SLC35D4: variants seen among roughly 807,000 people sequenced by gnomAD.
SLC35D4 encodes UDP-N-acetylglucosamine transporter SLC35D4.
chr18:23,285,442 T>C, the SLC35D4 span, among the ~76,000 whole-genome samples: 4 of 152,058 alleles, frequency 2.6e-5, no homozygotes, highest in Admixed American at 2.6e-4. Context: ...AACTGGACAG[T>C]AGTTCCAAAT....
At chr18:23,377,992 A>T in the SLC35D4 span, among the ~76,000 whole-genome samples, 2 of 151,870 alleles carry the variant, frequency 1.3e-5, no homozygotes, top group Admixed American at 1.3e-4. Context: ...AATAGATGTA[A>T]CCTGTATTTT....
chr18:23,317,894 C>T, the SLC35D4 span, among the ~76,000 whole-genome samples: 1 of 152,116 alleles, frequency 6.6e-6, no homozygotes, highest in Non-Finnish European at 1.5e-5. Flanking sequence ...CATGCACCAC[C>T]ACACCCAGGT....
the SLC35D4 span, among the ~76,000 whole-genome samples, chr18:23,310,068 G>A: frequency 2.6e-5 from 4 of 152,320 alleles, no homozygotes; most frequent in African/African-American, 7.2e-5. Flanking sequence ...CAGGGAAGGG[G>A]TATATTAAGA....
chr18:23,291,703 G>C, the SLC35D4 span, among the ~76,000 whole-genome samples: 4 of 152,210 alleles, frequency 2.6e-5, no homozygotes, highest in East Asian at 1.9e-4. Context: ...ACACTGCAAG[G>C]CTGCTTTGAC....
chr18:23,241,760 C>T, the SLC35D4 span, among the ~76,000 whole-genome samples: 3 of 152,094 alleles, frequency 2.0e-5, no homozygotes, highest in East Asian at 1.9e-4. Flanking sequence ...TATCTTTGTG[C>T]GTGTGTGTCC....
the SLC35D4 span, among the ~76,000 whole-genome samples, chr18:23,353,520 T>C: frequency 6.6e-6 from 1 of 152,200 alleles, no homozygotes; most frequent in Non-Finnish European, 1.5e-5. Flanking sequence ...GTCACAGAAA[T>C]GTGTACCTTC....
the SLC35D4 span, among the ~76,000 whole-genome samples, chr18:23,264,614 G>T: frequency 1.3e-5 from 2 of 152,062 alleles, no homozygotes; most frequent in South Asian, 4.2e-4. Flanking sequence ...GTCTGCCTCG[G>T]CCTCCCAAAG....
At chr18:23,306,453 T>A in the SLC35D4 span, among the ~76,000 whole-genome samples, 1 of 152,060 alleles carries the variant, frequency 6.6e-6, no homozygotes, top group Admixed American at 6.6e-5. Flanking sequence ...ATTACAGGCA[T>A]GCGCCATCAC....
At chr18:23,345,083 G>C in the SLC35D4 span, among the ~76,000 whole-genome samples, 1 of 152,040 alleles carries the variant, frequency 6.6e-6, no homozygotes, top group African/African-American at 2.4e-5. Context: ...ATTACATTCA[G>C]GTCTGTGATC....
At chr18:23,421,969 G>T in the SLC35D4 span, among the ~76,000 whole-genome samples, 37 of 151,878 alleles carry the variant, frequency 2.4e-4, no homozygotes, top group Non-Finnish European at 4.7e-4. Flanking sequence ...GAGCCACCAT[G>T]CCTGGCCTCT....
chr18:23,362,407 T>TG, the SLC35D4 span, among the ~76,000 whole-genome samples: 3 of 152,108 alleles, frequency 2.0e-5, no homozygotes, highest in African/African-American at 7.2e-5. Flanking sequence ...GAGACCAGCC[T>TG]GGCCAGTATC....
chr18:23,390,489 T>A, the SLC35D4 span, among the ~76,000 whole-genome samples: 1 of 152,240 alleles, frequency 6.6e-6, no homozygotes, highest in Non-Finnish European at 1.5e-5. Flanking sequence ...ATTCCTAGAA[T>A]CCATTAGCTG....
the SLC35D4 span, among the ~76,000 whole-genome samples, chr18:23,243,290 C>A: frequency 7.6e-3 from 1,153 of 151,930 alleles, 10 homozygotes; most frequent in African/African-American, 0.026. Flanking sequence ...ACAGTAGCTC[C>A]GCACTTCCCT....
At chr18:23,276,187 AC>A in the SLC35D4 span, among the ~76,000 whole-genome samples, 1 of 151,636 alleles carries the variant, frequency 6.6e-6, no homozygotes. Flanking sequence ...TCCCGGGTTC[AC>A]GCCATTCTCC....
At chr18:23,336,821 C>T in the SLC35D4 span, among the ~76,000 whole-genome samples, 5 of 152,116 alleles carry the variant, frequency 3.3e-5, no homozygotes, top group African/African-American at 4.8e-5. Context: ...ACAGGCTCCC[C>T]ACCCAAGAGA....
At chr18:23,425,659 A>G in the SLC35D4 span, among the ~76,000 whole-genome samples, 10 of 152,336 alleles carry the variant, frequency 6.6e-5, no homozygotes, top group East Asian at 1.9e-3. Context: ...CCTGGGAAAG[A>G]GCAAAACTCA....
chr18:23,309,775 A>G, the SLC35D4 span: 1 of 1,602,356 alleles, frequency 6.2e-7, no homozygotes, highest in Non-Finnish European at 8.6e-7. Flanking sequence ...CAAGGTCATC[A>G]TACCAGCAGG....
At chr18:23,404,266 A>G in the SLC35D4 span, among the ~76,000 whole-genome samples, 3 of 152,222 alleles carry the variant, frequency 2.0e-5, no homozygotes, top group Non-Finnish European at 4.4e-5. Context: ...CGTCCCCTCA[A>G]AAGTCATATG....
the SLC35D4 span, chr18:23,297,252 T>C: frequency 3.3e-5 from 5 of 152,210 alleles, no homozygotes; most frequent in Non-Finnish European, 7.3e-5. Flanking sequence ...CCGGGTGCAG[T>C]GGCTCATGCC....
Sources: gnomAD v4.1 joint callset for allele counts (sites outside exome capture counted in the v4.1 genomes callset) on GRCh38, gnomAD v4.1.1 for gene constraint, MANE v1.5 for transcripts, NCBI Gene and HGNC (gene_info 2026-07-23, HGNC 2026-07-21) for gene names.